Variants in BCAS3 observed in about 807,000 individuals in gnomAD.
BCAS3 encodes BCAS4/BCAS3 fusion.
A neutral mutation model predicts 116.1 loss-of-function variants in BCAS3; 53 were observed. The observed-to-expected ratio is 0.46, with a 90% CI of 0.37 to 0.57. BCAS3 has a LOEUF of 0.57. Ranked by LOEUF, BCAS3 falls within the 20% of genes least tolerant of loss-of-function variation. The pLI, the probability that BCAS3 is intolerant of heterozygous loss-of-function variation, is 0.00. For synonymous variants in BCAS3, 391 were observed against 408.2 expected (o/e 0.96, Z 0.51); for missense variants, 917 against 1,165.4 (o/e 0.79, Z 3.10).
In BCAS3 at chr17:60,807,980, A is replaced by G. The variant is rs755317722; in HGVS notation, c.404-24A>G. ...TACAATAATATTCCTCAAAGCTTAC[A>G]ATTTATTTTATCCTTCCTGTCAGGT... On this transcript the variant is annotated intron_variant, in intron 6 of 23. Transcript: ENST00000407086. The G allele has an allele frequency of 2.6e-6, 4 of 1,526,266 alleles. No homozygotes were observed. The South Asian group carries it at 4.7e-5, about 18-fold the overall frequency. 94.5% of individuals were successfully genotyped at this position (1,526,266 alleles called of 1,614,324 possible). A position where few individuals can be genotyped will look rare whatever the true frequency, so the allele number is the denominator to read the frequency against.
intron 4 of BCAS3, among the ~76,000 whole-genome samples, chr17:60,703,057 C>T (rs2036625048): frequency 7.0e-6 from 1 of 142,310 alleles, no homozygotes; most frequent in African/African-American, 2.6e-5. Flanking sequence ...GGTGGATCAC[C>T]TGAGGCCAGG....
At position 61,136,176 on chromosome 17, in the gene BCAS3, C is replaced by T. The variant is rs1356735622; in HGVS notation, c.2425+51612C>T. Among the ~76,000 whole-genome samples the T allele has an allele frequency of 6.6e-6, 1 of 152,162 alleles. No individual in the cohort carries two copies. Among genetic ancestry groups the T allele is most frequent in the Non-Finnish European group, 1.5e-5 (1 of 68,032 alleles). ...ATTTAAATGTTTTCCCGTGCTCTTCCCTCTACATAAAATCATTTCTTTCCA... is the reference window on the plus strand; with the variant it reads ...ATTTAAATGTTTTCCCGTGCTCTTCTCTCTACATAAAATCATTTCTTTCCA... On this transcript the variant is annotated intron_variant, in intron 22 of 23. Transcript: ENST00000407086. The surrounding 1 kb of genome is among the most constrained non-coding windows in gnomAD (Gnocchi z 4.4).
chr17:60,791,575 G>A (rs917883481), intron 6 of BCAS3, among the ~76,000 whole-genome samples: 4 of 152,002 alleles, frequency 2.6e-5, no homozygotes, highest in Non-Finnish European at 5.9e-5. Flanking sequence ...TATCATTTGA[G>A]CCTAGGAGTT....
rs2064875960 is a variant in BCAS3 at position 61,008,494 on chromosome 17, C to T, written c.1487-7257C>T. On this transcript the variant is annotated intron_variant, in intron 15 of 23. Transcript: ENST00000407086. This position sits in a 1 kb window ranked among gnomAD's most constrained non-coding sequence, Gnocchi z 4.6. Reference sequence around the variant, plus strand: ...AGTGTTTTTAACTTTTCAGAGCCCACATTTCCAGTGACTATTTCAAAACAA... The same window carrying T: ...AGTGTTTTTAACTTTTCAGAGCCCATATTTCCAGTGACTATTTCAAAACAA... Among the ~76,000 whole-genome samples the T allele has an allele frequency of 6.6e-6, 1 of 151,908 alleles. No homozygotes were observed. Among genetic ancestry groups the T allele is most frequent in the Non-Finnish European group, 1.5e-5 (1 of 67,958 alleles).
At chr17:61,046,260 T>G (rs190954661) in intron 19 of BCAS3, among the ~76,000 whole-genome samples, 26 of 145,096 alleles carry the variant, frequency 1.8e-4, no homozygotes, top group African/African-American at 6.3e-4. Flanking sequence ...TGTAAGGATA[T>G]TATACCTTTT....
chr17:60,925,962 T>A (rs947917860), intron 13 of BCAS3, among the ~76,000 whole-genome samples: 2 of 152,120 alleles, frequency 1.3e-5, no homozygotes, highest in African/African-American at 4.8e-5. Flanking sequence ...ACACATAGCC[T>A]GAAGGTGATT....
intron 22 of BCAS3, among the ~76,000 whole-genome samples, chr17:61,185,030 T>C (rs549270291): frequency 6.6e-6 from 1 of 151,892 alleles, no homozygotes; most frequent in East Asian, 1.9e-4. Flanking sequence ...ACATACTATA[T>C]GCATTAAAAA....
chr17:61,044,641 A>G (rs1290022476), intron 19 of BCAS3, among the ~76,000 whole-genome samples: 2 of 151,642 alleles, frequency 1.3e-5, no homozygotes, highest in Non-Finnish European at 2.9e-5. Context: ...TTCCAGGTGG[A>G]CTAATATTGG....
chr17:61,042,357 T>C (rs2067579257), intron 19 of BCAS3, among the ~76,000 whole-genome samples: 1 of 152,040 alleles, frequency 6.6e-6, no homozygotes, highest in Admixed American at 6.6e-5. Flanking sequence ...GAAATATTTA[T>C]AAAACACATA....
chr17:60,951,200 A>C (rs1197600092), intron 14 of BCAS3, among the ~76,000 whole-genome samples: 1 of 152,136 alleles, frequency 6.6e-6, no homozygotes, highest in East Asian at 1.9e-4. Context: ...TTCTAAGTGG[A>C]ATACATTTTC....
intron 7 of BCAS3, chr17:60,851,866 A>G: frequency 7.0e-7 from 1 of 1,427,142 alleles, no homozygotes; most frequent in Non-Finnish European, 9.4e-7. Flanking sequence ...ATTTTTAAGA[A>G]GGGAATCTCA....
intron 7 of BCAS3, chr17:60,851,293 G>A: frequency 3.3e-6 from 1 of 299,806 alleles, no homozygotes. Flanking sequence ...TGCAGGAGGA[G>A]TGGCAGCAGC....
intron 8 of BCAS3, among the ~76,000 whole-genome samples, chr17:60,868,959 A>T (rs187003226): frequency 2.2e-4 from 33 of 152,288 alleles, no homozygotes; most frequent in African/African-American, 7.7e-4. Flanking sequence ...ATCTGAGCAA[A>T]CTTAAAAAGG....
intron 11 of BCAS3, among the ~76,000 whole-genome samples, chr17:60,906,277 A>G (rs1460533207): frequency 1.3e-5 from 2 of 152,184 alleles, no homozygotes; most frequent in Non-Finnish European, 2.9e-5. Flanking sequence ...TTTAGAAAAT[A>G]GTTTTGAGTT....
chr17:60,800,563 G>T (rs2047683733), intron 6 of BCAS3, among the ~76,000 whole-genome samples: 1 of 152,036 alleles, frequency 6.6e-6, no homozygotes, highest in Non-Finnish European at 1.5e-5. Context: ...TTCTATCATG[G>T]TCTTTGATAG....
rs551263003 is a variant in BCAS3, at chr17:61,087,948, C to A, written c.2425+3384C>A. Among the ~76,000 whole-genome samples, 1 of 152,020 alleles carries A rather than the reference C, an allele frequency of 6.6e-6. No individual in the cohort carries two copies. Among genetic ancestry groups the A allele is most frequent in the African/African-American group, 2.4e-5 (1 of 41,388 alleles). ...CTATAATCCTAGCACTTTGGGAGGCCGAAGCGGTGGATCACTTGAGGTCAG... is the reference window on the plus strand; with the variant it reads ...CTATAATCCTAGCACTTTGGGAGGCAGAAGCGGTGGATCACTTGAGGTCAG... On this transcript the variant is annotated intron_variant, in intron 22 of 23. Coordinates refer to ENST00000407086, the MANE Select transcript of BCAS3 (RefSeq NM_017679.5). The surrounding 1 kb of genome is among the most constrained non-coding windows in gnomAD (Gnocchi z 4.6).
chr17:61,083,152 G>A lies in BCAS3; in HGVS notation c.2328-1315G>A, dbSNP rs906644575. ...CATTTCTTGCTCCTCTTCATTATGCGTATATACTATTACTATATACAGACC... is the reference window on the plus strand; with the variant it reads ...CATTTCTTGCTCCTCTTCATTATGCATATATACTATTACTATATACAGACC... On this transcript the variant is annotated intron_variant, in intron 21 of 23. Transcript: ENST00000407086. The surrounding 1 kb of genome is among the most constrained non-coding windows in gnomAD (Gnocchi z 4.9). Among the ~76,000 whole-genome samples, 5 of 152,116 alleles carry A rather than the reference G, an allele frequency of 3.3e-5. No individual in the cohort carries two copies. Among genetic ancestry groups the A allele is most frequent in the South Asian group, 2.1e-4 (1 of 4,832 alleles).
intron 14 of BCAS3, among the ~76,000 whole-genome samples, chr17:60,983,823 T>C (rs999489669): frequency 1.3e-5 from 2 of 152,344 alleles, no homozygotes; most frequent in Non-Finnish European, 1.5e-5. Flanking sequence ...GACTCTGTCA[T>C]GTGAAAATGC....
chr17:61,012,779 A>G lies in BCAS3; in HGVS notation c.1487-2972A>G, dbSNP rs2065196271. On this transcript the variant is annotated intron_variant, in intron 15 of 23. Coordinates refer to ENST00000407086, the MANE Select transcript of BCAS3 (RefSeq NM_017679.5). This position sits in a 1 kb window ranked among gnomAD's most constrained non-coding sequence, Gnocchi z 4.5. The stretch of plus-strand genomic sequence containing the variant: ...CTTTATCCTGGTGAGACAGTGAAGC[A>G]TTTTAAGTTGTGCCTAGCTAAACCA... 6.6e-6 allele frequency among the ~76,000 whole-genome samples: 1 copy of G among 152,030 alleles called. No individual in the cohort carries two copies. Among genetic ancestry groups the G allele is most frequent in the Non-Finnish European group, 1.5e-5 (1 of 67,946 alleles).
Sources: gnomAD v4.1 joint callset for allele counts (sites outside exome capture counted in the v4.1 genomes callset) on GRCh38, gnomAD v4.1.1 for gene constraint, Gnocchi (gnomAD v3.1) non-coding constraint, MANE v1.5 for transcripts, NCBI Gene and HGNC (gene_info 2026-07-23, HGNC 2026-07-21) for gene names.